Variants in MAGI3 observed in about 807,000 individuals in gnomAD.
The protein encoded by MAGI3 is membrane-associated guanylate kinase, WW and PDZ domain-containing protein 3.
MAGI3 carries 43 observed loss-of-function variants against 121.8 expected under a neutral mutation model. The ratio of observed to expected loss-of-function variants is 0.35; its 90% confidence interval spans 0.28 to 0.46. MAGI3 has a LOEUF of 0.46. Among genes scored for constraint, MAGI3 ranks in the 20% least tolerant of loss-of-function variants. MAGI3 has a pLI of 1.00. For synonymous variants in MAGI3, 553 were observed against 639.3 expected, an observed-to-expected ratio of 0.86 and a Z score of 2.04; for missense variants, 1,547 against 1,797.3, an observed-to-expected ratio of 0.86 and a Z score of 2.52.
At chr1:113,515,019 A>G (rs960026094) in intron 1 of MAGI3, among the ~76,000 whole-genome samples, 3 of 152,104 alleles carry the variant, frequency 2.0e-5, no homozygotes, top group Non-Finnish European at 4.4e-5. Context: ...CATCTTTGTA[A>G]GTAAATCTGT....
At chr1:113,535,827 A>G (rs768834413) in intron 1 of MAGI3, among the ~76,000 whole-genome samples, 2 of 152,110 alleles carry the variant, frequency 1.3e-5, no homozygotes, top group Admixed American at 6.6e-5. Flanking sequence ...GTTATATCCA[A>G]CAACCTACTT....
intron 2 of MAGI3, among the ~76,000 whole-genome samples, chr1:113,573,706 G>C (rs1228782353): frequency 6.6e-6 from 1 of 152,160 alleles, no homozygotes; most frequent in Non-Finnish European, 1.5e-5. Flanking sequence ...TGTCTATTAG[G>C]TCTGCTTGGT....
intron 2 of MAGI3, among the ~76,000 whole-genome samples, chr1:113,562,143 C>T (rs75926636): frequency 0.12 from 18,978 of 152,232 alleles, 1,250 homozygotes; most frequent in East Asian, 0.18. Flanking sequence ...TGGTGGCTCA[C>T]GCCTGTAATC....
chr1:113,631,409 C>T (rs528871837), intron 9 of MAGI3, among the ~76,000 whole-genome samples: 8 of 152,234 alleles, frequency 5.3e-5, no homozygotes, highest in Non-Finnish European at 1.0e-4. Context: ...TTGCTCTGCC[C>T]TCCGTCACCA....
chr1:113,415,123 TC>T (rs1276171091), intron 1 of MAGI3, among the ~76,000 whole-genome samples: 1 of 152,090 alleles, frequency 6.6e-6, no homozygotes, highest in African/African-American at 2.4e-5. Context: ...CAGATCCTCT[TC>T]CCTATAATGT....
chr1:113,676,063 C>G (rs769976912), intron 19 of MAGI3, among the ~76,000 whole-genome samples: 1 of 151,962 alleles, frequency 6.6e-6, no homozygotes, highest in Non-Finnish European at 1.5e-5. Context: ...ATCTCTCTCT[C>G]TCTCTGTCTC....
intron 1 of MAGI3, among the ~76,000 whole-genome samples, chr1:113,510,244 G>A (rs1657546973): frequency 1.3e-5 from 2 of 151,880 alleles, no homozygotes; most frequent in African/African-American, 4.8e-5. Flanking sequence ...TGCTACTTAG[G>A]TAACAGAAAT....
At chr1:113,604,451 C>T (rs535223142) in intron 6 of MAGI3, among the ~76,000 whole-genome samples, 2 of 150,738 alleles carry the variant, frequency 1.3e-5, no homozygotes, top group African/African-American at 4.9e-5. Context: ...CCTGTAATCC[C>T]ACCTACTCGG....
intron 1 of MAGI3, among the ~76,000 whole-genome samples, chr1:113,504,097 G>C (rs1462480081): frequency 1.3e-5 from 2 of 151,958 alleles, no homozygotes; most frequent in Non-Finnish European, 2.9e-5. Flanking sequence ...ACAAAATACG[G>C]TTAAAGAGGA....
At chr1:113,534,650 G>C (rs561677144) in intron 1 of MAGI3, among the ~76,000 whole-genome samples, 1 of 152,000 alleles carries the variant, frequency 6.6e-6, no homozygotes, top group Admixed American at 6.5e-5. Context: ...ATAACACTGG[G>C]GTGACCATTA....
At chr1:113,407,628 T>G (rs563069385) in intron 1 of MAGI3, among the ~76,000 whole-genome samples, 1 of 152,206 alleles carries the variant, frequency 6.6e-6, no homozygotes, top group South Asian at 2.1e-4. Flanking sequence ...CAAGAAAGGC[T>G]TTTAAGTGCC....
intron 1 of MAGI3, among the ~76,000 whole-genome samples, chr1:113,534,446 G>A (rs567612294): frequency 2.0e-5 from 3 of 151,932 alleles, no homozygotes; most frequent in Non-Finnish European, 4.4e-5. Context: ...ATGCCATTCA[G>A]CATGCCCTTT....
chr1:113,425,495 A>G (rs1652962358), intron 1 of MAGI3, among the ~76,000 whole-genome samples: 1 of 151,854 alleles, frequency 6.6e-6, no homozygotes, highest in Admixed American at 6.5e-5. Context: ...CGTGTTAGCC[A>G]GGATGATCTC....
At chr1:113,589,795 G>C (rs936911286) in intron 4 of MAGI3, among the ~76,000 whole-genome samples, 2 of 152,024 alleles carry the variant, frequency 1.3e-5, no homozygotes, top group East Asian at 3.8e-4. Context: ...GAACTCCCTA[G>C]ACAGTACCCA....
At chr1:113,512,027 G>T (rs1397751075) in intron 1 of MAGI3, among the ~76,000 whole-genome samples, 1 of 152,104 alleles carries the variant, frequency 6.6e-6, no homozygotes, top group Non-Finnish European at 1.5e-5. Flanking sequence ...AAATGTAGAG[G>T]TCATTTAGTT....
At chr1:113,412,030 C>A (rs959400794) in intron 1 of MAGI3, among the ~76,000 whole-genome samples, 1 of 116,942 alleles carries the variant, frequency 8.6e-6, no homozygotes, top group Non-Finnish European at 1.7e-5. Context: ...CCCCTCCCCC[C>A]ACCCCCGACA....
Position 113,684,046 on chromosome 1 carries a change from TA to T in MAGI3, c.*34del, listed in dbSNP as rs772257952. Reference sequence around the variant, plus strand: ...GTATAAAACAAAGAAAAACAAGTTGTAATCTTTTCTTACAGCAGCATTTTTC... The same window carrying T: ...GTATAAAACAAAGAAAAACAAGTTGTATCTTTTCTTACAGCAGCATTTTTC... On this transcript the variant is annotated 3_prime_UTR_variant, in exon 21 of 21. Transcript: ENST00000307546. 6.7e-7 allele frequency: 1 copy of T among 1,482,102 alleles called. No homozygotes were observed. The highest frequency in any genetic ancestry group is 1.4e-5 in the South Asian group (1 of 69,494). The allele number at this position is 1,482,102 out of a possible 1,614,324, so 91.8% of individuals were successfully genotyped here.
intron 1 of MAGI3, among the ~76,000 whole-genome samples, chr1:113,434,916 C>T (rs1653488417): frequency 6.6e-6 from 1 of 152,058 alleles, no homozygotes; most frequent in African/African-American, 2.4e-5. Flanking sequence ...TTCATTTTGG[C>T]CCCAAACCAT....
chr1:113,522,336 C>T (rs1397969192), intron 1 of MAGI3, among the ~76,000 whole-genome samples: 1 of 152,186 alleles, frequency 6.6e-6, no homozygotes, highest in Non-Finnish European at 1.5e-5. Flanking sequence ...AACTCCTGGC[C>T]TCAAGTGACC....
Sources: gnomAD v4.1 joint callset for allele counts (sites outside exome capture counted in the v4.1 genomes callset) on GRCh38, gnomAD v4.1.1 for gene constraint, MANE v1.5 for transcripts, NCBI Gene and HGNC (gene_info 2026-07-23, HGNC 2026-07-21) for gene names.